Variants in PHEX observed in about 807,000 individuals in gnomAD.
PHEX encodes the protein phosphate-regulating neutral endopeptidase PHEX.
PHEX carries 16 observed loss-of-function variants against 68.0 expected under a neutral mutation model. That is an observed-to-expected ratio of 0.24 (90% CI 0.16 to 0.36). The LOEUF is 0.36. Among genes scored for constraint, PHEX ranks in the 10% least tolerant of loss-of-function variants. The pLI is 1.00. For missense variants in PHEX, 480 were observed against 575.5 expected (o/e 0.83, Z 1.70); for synonymous variants, 208 against 205.1 (o/e 1.01, Z -0.12).
intron 3 of PHEX, 94 bp from the exon 4 acceptor site, chrX:22,076,294 A>G: frequency 1.6e-6 from 1 of 617,262 alleles, no homozygotes; most frequent in South Asian, 2.3e-5. Context: ...TTTGTATTTA[A>G]TTTTCTGGAG....
At chrX:22,110,902 C>T (rs1397959537) in intron 9 of PHEX, among the ~76,000 whole-genome samples, 2 of 111,915 alleles carry the variant, frequency 1.8e-5, no homozygotes, top group Non-Finnish European at 3.8e-5. Context: ...TCACAGGGTG[C>T]AGTAGCTCAC....
intron 12 of PHEX, among the ~76,000 whole-genome samples, chrX:22,156,765 A>G (rs183871868): frequency 9.0e-6 from 1 of 111,363 alleles, no homozygotes; most frequent in East Asian, 2.8e-4. Flanking sequence ...CAGCTGTTCT[A>G]TTTGCAAACT....
chrX:22,103,394 G>A (rs1174318073), intron 9 of PHEX, among the ~76,000 whole-genome samples: 2 of 110,667 alleles, frequency 1.8e-5, no homozygotes, highest in Non-Finnish European at 3.8e-5. Context: ...TGAGATTTTG[G>A]TGTACCCATC....
chrX:22,095,372 C>A (rs1248366798), intron 7 of PHEX, among the ~76,000 whole-genome samples: 2 of 111,936 alleles, frequency 1.8e-5, no homozygotes, highest in East Asian at 5.6e-4. Context: ...GCAGGGAAGG[C>A]CTTGCCCTGA....
At chrX:22,133,184 C>A (rs1351122438) in intron 11 of PHEX, among the ~76,000 whole-genome samples, 1 of 111,755 alleles carries the variant, frequency 8.9e-6, no homozygotes, top group East Asian at 2.8e-4. Context: ...CCATGCCCAG[C>A]TAATTTTTAT....
intron 11 of PHEX, among the ~76,000 whole-genome samples, chrX:22,122,107 C>T (rs1300215133): frequency 3.6e-5 from 4 of 111,797 alleles, no homozygotes; most frequent in Non-Finnish European, 5.6e-5. Flanking sequence ...GTAACTATAA[C>T]GTTGATGGCA....
chrX:22,084,227 T>A (rs190292341), intron 5 of PHEX, among the ~76,000 whole-genome samples: 4 of 111,905 alleles, frequency 3.6e-5, no homozygotes, highest in African/African-American at 1.3e-4. Flanking sequence ...GTTCAAGTGA[T>A]CATCTAGCCT....
chrX:22,097,043 G>C lies in PHEX; in HGVS notation c.933+5G>C, dbSNP rs1930172991. 2 of 1,147,074 alleles carry C rather than the reference G, an allele frequency of 1.7e-6. No homozygotes were observed. The highest frequency in any genetic ancestry group is 2.2e-5 in the Admixed American group (1 of 45,726). The allele number at this position is 1,147,074 out of a possible 1,213,427, so 94.5% of individuals were successfully genotyped here. On this transcript the variant is annotated splice_donor_5th_base_variant and intron_variant, in intron 8 of 21. Transcript: ENST00000379374. ...CTGAGTGCTATGATTCCCCAGGTTGGTGAAAACTATCCAGAAAACTTTCTC... is the reference window on the plus strand; with the variant it reads ...CTGAGTGCTATGATTCCCCAGGTTGCTGAAAACTATCCAGAAAACTTTCTC...
At chrX:22,092,189 CT>C (rs1231360161) in intron 6 of PHEX, among the ~76,000 whole-genome samples, 1 of 111,159 alleles carries the variant, frequency 9.0e-6, no homozygotes, top group African/African-American at 3.3e-5. Flanking sequence ...CGTGTAGCAG[CT>C]TTATTAAGGA....
chrX:22,197,771 T>G (rs2147146078), intron 15 of PHEX, among the ~76,000 whole-genome samples: 1 of 111,276 alleles, frequency 9.0e-6, no homozygotes, highest in Non-Finnish European at 1.9e-5. Context: ...AGGTACTAAC[T>G]GAGTTTGGTA....
intron 20 of PHEX, among the ~76,000 whole-genome samples, chrX:22,239,748 A>C (rs767483074): frequency 4.5e-5 from 5 of 111,655 alleles, no homozygotes; most frequent in Non-Finnish European, 9.4e-5. Context: ...CTGTGAAAAG[A>C]CCAAATCTAC....
At chrX:22,102,527 G>T (rs1452336047) in intron 9 of PHEX, among the ~76,000 whole-genome samples, 1 of 112,477 alleles carries the variant, frequency 8.9e-6, no homozygotes, top group Admixed American at 9.5e-5. Flanking sequence ...GCTTTTTTAA[G>T]TGTTGTGACC....
chrX:22,249,932 C>T lies in PHEX; in HGVS notation c.*1979C>T, dbSNP rs1176050883. On this transcript the variant is annotated 3_prime_UTR_variant, in exon 22 of 22. Coordinates refer to ENST00000379374, the MANE Select transcript of PHEX (RefSeq NM_000444.6). ...GGTCAGAGAAAGTGTTTGATAAAAG[C>T]ATAGAATTATGGCTTTGGAAAGACA... is the stretch of plus-strand genomic sequence containing the variant. 1 of 111,355 alleles carries T rather than the reference C, an allele frequency of 9.0e-6. No individual in the cohort carries two copies. The highest frequency in any genetic ancestry group is 1.9e-5 in the Non-Finnish European group (1 of 53,069). The allele number at this position is 111,355 out of a possible 1,213,427, so 9.2% of individuals were successfully genotyped here.
intron 20 of PHEX, among the ~76,000 whole-genome samples, chrX:22,239,785 G>C (rs1026918132): frequency 8.1e-5 from 9 of 111,499 alleles, no homozygotes. Flanking sequence ...TGAAAGTGAC[G>C]GGGAGAATGG....
At chrX:22,124,802 C>T (rs1434882245) in intron 11 of PHEX, among the ~76,000 whole-genome samples, 5 of 111,923 alleles carry the variant, frequency 4.5e-5, no homozygotes, top group Admixed American at 9.5e-5. Flanking sequence ...AGAAACTCCT[C>T]CTGTACCACC....
At chrX:22,117,736 C>G (rs1043327689) in intron 11 of PHEX, among the ~76,000 whole-genome samples, 1 of 111,146 alleles carries the variant, frequency 9.0e-6, no homozygotes, top group African/African-American at 3.3e-5. Flanking sequence ...TTAATTTTGG[C>G]ATCTTCCCCC....
chrX:22,190,057 C>T (rs1934149019), intron 14 of PHEX, among the ~76,000 whole-genome samples: 1 of 111,964 alleles, frequency 8.9e-6, no homozygotes, highest in African/African-American at 3.2e-5. Flanking sequence ...GCATAGAAAC[C>T]CAATTGTCCA....
intron 13 of PHEX, among the ~76,000 whole-genome samples, chrX:22,170,745 C>G (rs1933497465): frequency 1.8e-5 from 2 of 112,129 alleles, no homozygotes; most frequent in Non-Finnish European, 3.8e-5. Context: ...AAGGCTTACT[C>G]ACAATATTTA....
chrX:22,172,578 G>T (rs1933572003), intron 13 of PHEX: 1 of 111,115 alleles, frequency 9.0e-6, no homozygotes, highest in Non-Finnish European at 1.9e-5. Context: ...GTCAGAAAAA[G>T]AAAAGGGAGG....
Sources: allele counts gnomAD v4.1 joint callset (sites outside exome capture counted in the v4.1 genomes callset), GRCh38; gene constraint gnomAD v4.1.1; transcripts MANE v1.5; gene names NCBI Gene and HGNC (gene_info 2026-07-23, HGNC 2026-07-21).